HOMER2: variants seen among roughly 807,000 people sequenced by gnomAD.
HOMER2 encodes the protein homer protein homolog 2.
A neutral mutation model predicts 47.0 loss-of-function variants in HOMER2; 27 were observed. That is an observed-to-expected ratio of 0.57 (90% CI 0.42 to 0.79). HOMER2 has a LOEUF of 0.79. Ranked by LOEUF, HOMER2 falls within the 30% of genes least tolerant of loss-of-function variation. HOMER2 has a pLI of 0.00. For synonymous variants in HOMER2, 161 were observed against 163.8 expected (o/e 0.98, Z 0.13); for missense variants, 443 against 435.0 (o/e 1.02, Z -0.16).
intron 8 of HOMER2, among the ~76,000 whole-genome samples, chr15:82,850,218 C>G (rs996107084): frequency 1.3e-5 from 2 of 152,224 alleles, no homozygotes; most frequent in African/African-American, 2.4e-5. Flanking sequence ...ACACAGGGCC[C>G]AGCAGGGAAA....
At chr15:82,867,980 CT>C (rs1432079934) in intron 3 of HOMER2, among the ~76,000 whole-genome samples, 1 of 152,128 alleles carries the variant, frequency 6.6e-6, no homozygotes, top group Non-Finnish European at 1.5e-5. Flanking sequence ...AGTAATTGTC[CT>C]TTGGTGAAAA....
At chr15:82,920,490 T>A (rs897918953) in intron 1 of HOMER2, among the ~76,000 whole-genome samples, 1 of 152,196 alleles carries the variant, frequency 6.6e-6, no homozygotes, top group Non-Finnish European at 1.5e-5. Context: ...TTGGAAGCTC[T>A]AAGGAAGCAT....
intron 1 of HOMER2, among the ~76,000 whole-genome samples, chr15:82,982,916 CCTTCT>C (rs2030443985): frequency 6.6e-6 from 1 of 152,122 alleles, no homozygotes; most frequent in Non-Finnish European, 1.5e-5. Context: ...GCCTTGGTCG[CCTTCT>C]CTTCTCTATG....
intron 1 of HOMER2, among the ~76,000 whole-genome samples, chr15:82,940,827 G>A (rs1305401978): frequency 3.3e-5 from 5 of 151,962 alleles, no homozygotes; most frequent in African/African-American, 1.2e-4. Flanking sequence ...CAGAGGTTGA[G>A]GCTGCAGTGA....
At chr15:82,903,633 C>T (rs375143125) in intron 1 of HOMER2, among the ~76,000 whole-genome samples, 3 of 151,542 alleles carry the variant, frequency 2.0e-5, no homozygotes, top group South Asian at 4.2e-4. Context: ...CACACACACA[C>T]ACGGCAACAA....
At chr15:82,922,720 T>C (rs1339309486) in intron 1 of HOMER2, among the ~76,000 whole-genome samples, 1 of 152,168 alleles carries the variant, frequency 6.6e-6, no homozygotes. Flanking sequence ...CAGCTATTCA[T>C]GAACAGGTTG....
At chr15:82,852,558 G>A in intron 6 of HOMER2, 1 of 292,130 alleles carries the variant, frequency 3.4e-6, no homozygotes, top group Non-Finnish European at 6.3e-6. Context: ...TGGCCGTGAA[G>A]AAGTAGATTC....
chr15:82,891,131 A>G (rs2052691777), intron 2 of HOMER2, among the ~76,000 whole-genome samples: 1 of 152,118 alleles, frequency 6.6e-6, no homozygotes, highest in South Asian at 2.1e-4. Flanking sequence ...GCGGAGGGAG[A>G]TAACACACTA....
rs944428199 is a variant in HOMER2 at position 82,849,279 on chromosome 15, C to T, written c.*436G>A. On this transcript the variant is annotated 3_prime_UTR_variant, in exon 9 of 9. Transcript: ENST00000450735. ...TGTTGACAGAGAGGAATGTTGTTCT[C>T]TCTGTGCCCCCCGGGGCTGGTGTCT... The T allele has an allele frequency of 1.3e-5, 2 of 155,518 alleles. No individual in the cohort carries two copies. Among genetic ancestry groups the T allele is most frequent in the South Asian group, 2.0e-4 (1 of 5,030 alleles). The allele number at this position is 155,518 out of a possible 1,614,324, so 9.6% of individuals were successfully genotyped here. A position where few individuals can be genotyped will look rare whatever the true frequency, so the allele number is the denominator to read the frequency against.
At chr15:82,889,586 G>T (rs1280070672) in intron 2 of HOMER2, among the ~76,000 whole-genome samples, 2 of 152,214 alleles carry the variant, frequency 1.3e-5, no homozygotes, top group Non-Finnish European at 2.9e-5. Context: ...CAGACAGCAG[G>T]CGATCCATCT....
chr15:82,908,074 A>G (rs1051559454), intron 1 of HOMER2, among the ~76,000 whole-genome samples: 1 of 152,172 alleles, frequency 6.6e-6, no homozygotes, highest in African/African-American at 2.4e-5. Flanking sequence ...GACAAAGTAG[A>G]TGAGTGGCTG....
chr15:82,937,805 C>G (rs190382209), intron 1 of HOMER2, among the ~76,000 whole-genome samples: 16 of 152,298 alleles, frequency 1.1e-4, no homozygotes, highest in African/African-American at 3.6e-4. Context: ...GGGTGGCTGT[C>G]CCTGTGCACC....
intron 4 of HOMER2, among the ~76,000 whole-genome samples, chr15:82,862,801 C>A (rs550046858): frequency 6.6e-6 from 1 of 152,274 alleles, no homozygotes; most frequent in South Asian, 2.1e-4. Flanking sequence ...CAACTCAAGG[C>A]AGACATAGGT....
At chr15:82,845,271 C>G (rs2151587524), downstream of HOMER2, 1 of 151,490 alleles carries the variant, frequency 6.6e-6, no homozygotes, top group Admixed American at 6.6e-5. Context: ...CGCGTGCGCA[C>G]ATACACAGTC....
intron 4 of HOMER2, among the ~76,000 whole-genome samples, chr15:82,861,171 C>T (rs973026274): frequency 1.3e-5 from 2 of 152,132 alleles, no homozygotes; most frequent in African/African-American, 4.8e-5. Flanking sequence ...TGGTATGCAT[C>T]ACAAGCTTTA....
intron 1 of HOMER2, among the ~76,000 whole-genome samples, chr15:82,936,207 C>G (rs1013644918): frequency 2.0e-5 from 3 of 152,232 alleles, no homozygotes; most frequent in African/African-American, 4.8e-5. Flanking sequence ...TCTGCACATG[C>G]GGTAGCAGCC....
Position 82,849,344 on chromosome 15 carries a change from G to A in HOMER2, c.*371C>T, listed in dbSNP as rs189800573. On this transcript the variant is annotated 3_prime_UTR_variant, in exon 9 of 9. Coordinates refer to ENST00000450735, the MANE Select transcript of HOMER2 (RefSeq NM_004839.4). ...TACTCTGAATGCTATTTGATAAAAGGAGCCTGATGGCTTGGTGTAAAGAAT... is the reference window on the plus strand; with the variant it reads ...TACTCTGAATGCTATTTGATAAAAGAAGCCTGATGGCTTGGTGTAAAGAAT... 1 of 183,836 alleles carries A rather than the reference G, an allele frequency of 5.4e-6. No individual in the cohort carries two copies. Among genetic ancestry groups the A allele is most frequent in the African/African-American group, 2.3e-5 (1 of 42,712 alleles). 11.4% of individuals were successfully genotyped at this position (183,836 alleles called of 1,614,324 possible).
chr15:82,889,455 T>A (rs1407418525), intron 2 of HOMER2, among the ~76,000 whole-genome samples: 1 of 152,168 alleles, frequency 6.6e-6, no homozygotes, highest in African/African-American at 2.4e-5. Context: ...CCAAGCCGAC[T>A]GAACAGAGAT....
chr15:82,982,091 A>T (rs1224696471), intron 1 of HOMER2, among the ~76,000 whole-genome samples: 1 of 152,214 alleles, frequency 6.6e-6, no homozygotes, highest in Non-Finnish European at 1.5e-5. Flanking sequence ...AACACTATAA[A>T]TTTCATGATG....
Sources: gnomAD v4.1 joint callset for allele counts (sites outside exome capture counted in the v4.1 genomes callset) on GRCh38, gnomAD v4.1.1 for gene constraint, MANE v1.5 for transcripts, NCBI Gene and HGNC (gene_info 2026-07-23, HGNC 2026-07-21) for gene names.